The following RPL28 variants were observed in gnomAD, a reference collection of about 807,000 sequenced individuals.
RPL28 encodes the protein ribosomal protein L28.
A neutral mutation model predicts 12.5 loss-of-function variants in RPL28; 4 were observed. The ratio of observed to expected loss-of-function variants is 0.32; its 90% CI spans 0.16 to 0.73. RPL28 has a LOEUF of 0.73. RPL28 is among the 30% of genes least tolerant of loss of function. The pLI, the probability that RPL28 is intolerant of heterozygous loss-of-function variation, is 0.66. For synonymous variants in RPL28, 91 were observed against 72.5 expected (o/e 1.26, Z -1.30); for missense variants, 214 against 197.7 (o/e 1.08, Z -0.49).
intron 4 of RPL28, among the ~76,000 whole-genome samples, chr19:55,397,821 C>G (rs897343736): frequency 1.3e-5 from 2 of 150,988 alleles, no homozygotes; most frequent in African/African-American, 4.9e-5. Context: ...CAGTTGAGCC[C>G]GGGAGTTTGA....
chr19:55,399,402 G>C (rs972426217), intron 4 of RPL28, among the ~76,000 whole-genome samples: 3 of 151,880 alleles, frequency 2.0e-5, no homozygotes, highest in East Asian at 3.9e-4. Context: ...CCTGACCTCA[G>C]GTGACCTGCC....
chr19:55,387,484 T>C (rs2123277602), intron 3 of RPL28: 1 of 1,463,606 alleles, frequency 6.8e-7, no homozygotes, highest in East Asian at 2.5e-5. Context: ...GATTGCCGAA[T>C]ACATGGGTGG....
intron 4 of RPL28, chr19:55,400,399 C>T (rs1204262259): frequency 1.3e-5 from 2 of 152,182 alleles, no homozygotes; most frequent in South Asian, 2.1e-4. Flanking sequence ...TCCCCACCCC[C>T]TGGTGTGCAC....
downstream of RPL28, among the ~76,000 whole-genome samples, chr19:55,393,180 A>G (rs1021753160): frequency 3.3e-5 from 5 of 150,852 alleles, no homozygotes; most frequent in Admixed American, 2.0e-4. Context: ...GCTGTTCTCT[A>G]CACAGTAGCA....
intron 4 of RPL28, chr19:55,401,772 G>A: frequency 1.2e-6 from 2 of 1,612,996 alleles, no homozygotes; most frequent in Non-Finnish European, 1.7e-6. Context: ...TCTGTGGGAA[G>A]AGGCTCAGGG....
At chr19:55,402,348 A>G (rs2090066089) in intron 4 of RPL28, among the ~76,000 whole-genome samples, 1 of 152,344 alleles carries the variant, frequency 6.6e-6, no homozygotes, top group Non-Finnish European at 1.5e-5. Context: ...GCTGGGTTGG[A>G]CCACACACAA....
At chr19:55,400,996 A>C in intron 4 of RPL28, 3 of 170,456 alleles carry the variant, frequency 1.8e-5, no homozygotes, top group Non-Finnish European at 2.6e-5. Flanking sequence ...CCATTATTCT[A>C]GAGGGAGAAG....
At position 55,388,855 on chromosome 19, in the gene RPL28, A is replaced by T; in HGVS notation, c.*523A>T. Reference sequence around the variant, plus strand: ...GAGGGGATGGGCTTTACTTGATGCAACCTCATCTCTGAGATGGGCAACTTG... The same window carrying T: ...GAGGGGATGGGCTTTACTTGATGCATCCTCATCTCTGAGATGGGCAACTTG... On this transcript the variant is annotated 3_prime_UTR_variant, in exon 5 of 5. Coordinates refer to ENST00000344063, the MANE Select transcript of RPL28 (RefSeq NM_000991.5). 1 of 986,210 alleles carries T rather than the reference A, an allele frequency of 1.0e-6. No homozygotes were observed. Among genetic ancestry groups the T allele is most frequent in the Non-Finnish European group, 1.2e-6 (1 of 830,552 alleles). The allele number at this position is 986,210 out of a possible 1,614,324, so 61.1% of individuals were successfully genotyped here.
chr19:55,402,884 C>T lies in RPL28; in HGVS notation c.325-59C>T, dbSNP rs142976406. ...TGGCAGGAAACCCCAATTCCCCACCCTCTCTGCCATGTGCCCCAGGGACTC... is the reference window on the plus strand; with the variant it reads ...TGGCAGGAAACCCCAATTCCCCACCTTCTCTGCCATGTGCCCCAGGGACTC... On this transcript the variant is annotated intron_variant, in intron 4 of 4. Transcript: ENST00000560055. 2.9e-3 allele frequency: 4,075 copies of T among 1,413,746 alleles called. 15 individuals are homozygous for T. Among genetic ancestry groups the T allele is most frequent in the Non-Finnish European group, 3.1e-3 (3,301 of 1,055,018 alleles). The allele number at this position is 1,413,746 out of a possible 1,614,324, so 87.6% of individuals were successfully genotyped here.
At chr19:55,393,148 C>T (rs62128188), downstream of RPL28, among the ~76,000 whole-genome samples, 38,176 of 151,486 alleles carry the variant, frequency 0.25, 5,295 homozygotes, top group South Asian at 0.35. Context: ...CACACCCGCC[C>T]GCTCCCCTGC....
In RPL28 at chr19:55,390,916, C is replaced by G. The variant is rs750371571; in HGVS notation, c.*2584C>G. 1 of 985,430 alleles carries G rather than the reference C, an allele frequency of 1.0e-6. No individual in the cohort carries two copies. The highest frequency in any genetic ancestry group is 6.1e-5 in the Admixed American group (1 of 16,282). 61.0% of individuals were successfully genotyped at this position (985,430 alleles called of 1,614,324 possible). Reference sequence around the variant, plus strand: ...AGATGTTGGATGGGGCCATCTATTCCAGCTTTATTCACACAAATCATGTCT... The same window carrying G: ...AGATGTTGGATGGGGCCATCTATTCGAGCTTTATTCACACAAATCATGTCT... On this transcript the variant is annotated 3_prime_UTR_variant, in exon 5 of 5. Coordinates refer to ENST00000344063, the MANE Select transcript of RPL28 (RefSeq NM_000991.5).
At chr19:55,402,446 G>A (rs140749308) in intron 4 of RPL28, among the ~76,000 whole-genome samples, 215 of 152,328 alleles carry the variant, frequency 1.4e-3, no homozygotes, top group African/African-American at 4.5e-3. Context: ...CCCGTCCTGA[G>A]GGGTAAATTG....
At chr19:55,394,539 G>A (rs1328454056), downstream of RPL28, among the ~76,000 whole-genome samples, 2 of 151,812 alleles carry the variant, frequency 1.3e-5, no homozygotes, top group Admixed American at 6.6e-5. Context: ...GGGATTACAG[G>A]TGTGAGCCAC....
chr19:55,386,542 A>G, intron 2 of RPL28, 28 bp from the exon 3 acceptor site: 12 of 1,600,860 alleles, frequency 7.5e-6, no homozygotes, highest in Middle Eastern at 1.7e-4. Context: ...TCCCTTATTC[A>G]CGATGCCTTG....
downstream of RPL28, among the ~76,000 whole-genome samples, chr19:55,395,146 ATTTT>A (rs888152922): frequency 1.3e-5 from 2 of 151,240 alleles, no homozygotes; most frequent in Admixed American, 6.6e-5. Flanking sequence ...TTATTTATTT[ATTTT>A]TTTGAGACAG....
exon 5 of RPL28, chr19:55,402,999 A>G (rs1002083717): frequency 2.0e-6 from 3 of 1,533,886 alleles, no homozygotes; most frequent in African/African-American, 2.7e-5. Context: ...ACCAGCCTAG[A>G]CCAGGACGCC....
chr19:55,403,285 T>C (rs1465997750), downstream of RPL28: 1 of 570,952 alleles, frequency 1.8e-6, no homozygotes, highest in Non-Finnish European at 3.1e-6. Flanking sequence ...AGCTCAGCTT[T>C]AGCAAAAAAG....
chr19:55,386,389 G>A lies in RPL28; in HGVS notation c.32G>A (p.Arg11Gln), dbSNP rs777988687. 4.2e-5 allele frequency: 67 copies of A among 1,613,994 alleles called. No individual in the cohort carries two copies. Among genetic ancestry groups the A allele is most frequent in the Non-Finnish European group, 5.3e-5 (63 of 1,180,040 alleles). Residue 11 changes from arginine to glutamine, a missense_variant, in exon 2 of 5, where the codon CGG (arginine) becomes CAG (glutamine). Transcript: ENST00000344063. ...GCGCATCTGCAATGGATGGTCGTGC[G>A]GAACTGCTCCAGTTTCCTGATCAAG... Reference protein sequence around the residue: MSAHLQWMVVRNCSSFLIKRN... With the variant: MSAHLQWMVVQNCSSFLIKRN...
intron 4 of RPL28, among the ~76,000 whole-genome samples, chr19:55,397,403 G>T (rs1223945645): frequency 2.6e-5 from 4 of 151,946 alleles, no homozygotes; most frequent in Admixed American, 6.6e-5. Flanking sequence ...GTTTTGAGAC[G>T]GAGTCTCGCT....
Sources: gnomAD v4.1 joint callset for allele counts (sites outside exome capture counted in the v4.1 genomes callset) on GRCh38, gnomAD v4.1.1 for gene constraint, MANE v1.5 for transcripts, NCBI Gene and HGNC (gene_info 2026-07-23, HGNC 2026-07-21) for gene names.